Variants in SPECC1 observed in about 807,000 individuals in gnomAD.
SPECC1 encodes the protein cytospin-B.
A neutral mutation model predicts 104.1 loss-of-function variants in SPECC1; 62 were observed. The ratio of observed to expected loss-of-function variants is 0.60; its 90% CI spans 0.49 to 0.74. The LOEUF is 0.74. Among genes scored for constraint, SPECC1 ranks in the 30% least tolerant of loss-of-function variants. The pLI, the probability that SPECC1 is intolerant of heterozygous loss-of-function variation, is 0.00. For missense variants in SPECC1, 1,306 were observed against 1,310.5 expected (o/e 1.00, Z 0.05); for synonymous variants, 513 against 501.6 (o/e 1.02, Z -0.30).
At chr17:20,221,703 G>A (rs891710799) in intron 4 of SPECC1, among the ~76,000 whole-genome samples, 3 of 151,482 alleles carry the variant, frequency 2.0e-5, no homozygotes, top group African/African-American at 7.3e-5. Flanking sequence ...ATTTGCTCTT[G>A]CTTTTCTGGT....
At chr17:20,026,288 G>A (rs571549135) in intron 1 of SPECC1, among the ~76,000 whole-genome samples, 1 of 152,032 alleles carries the variant, frequency 6.6e-6, no homozygotes, top group African/African-American at 2.4e-5. Flanking sequence ...AGGGTAATTA[G>A]GATATCCATC....
At chr17:20,288,041 C>T (rs920405589) in intron 12 of SPECC1, among the ~76,000 whole-genome samples, 3 of 149,510 alleles carry the variant, frequency 2.0e-5, no homozygotes, top group African/African-American at 7.4e-5. Flanking sequence ...TAAATGAGAA[C>T]ATACTTTGTT....
chr17:20,180,845 C>T (rs998583929), intron 3 of SPECC1, among the ~76,000 whole-genome samples: 11 of 152,074 alleles, frequency 7.2e-5, no homozygotes, highest in African/African-American at 2.4e-4. Flanking sequence ...ATATTTATTG[C>T]GAAAATGTAC....
rs1046068563 is a variant in SPECC1, at chr17:20,009,715, C to G, written c.-22+291C>G. The stretch of plus-strand genomic sequence containing the variant: ...AGGTGGCCGCCTCCTCCCCTCCGGG[C>G]CCGAGGGTTGTCGCAGGGACCCGGG... On this transcript the variant is annotated intron_variant, in intron 1 of 14. Transcript: ENST00000395527. This position sits in a 1 kb window ranked among gnomAD's most constrained non-coding sequence, Gnocchi z 5.2. 3.3e-4 allele frequency: 50 copies of G among 152,226 alleles called. No homozygotes were observed. The highest frequency in any genetic ancestry group is 5.7e-4 in the Non-Finnish European group (39 of 68,058). The allele number at this position is 152,226 out of a possible 1,614,324, so 9.4% of individuals were successfully genotyped here.
intron 3 of SPECC1, chr17:20,155,791 C>G (rs1406947681): frequency 4.5e-6 from 2 of 446,056 alleles, no homozygotes; most frequent in Non-Finnish European, 6.2e-6. Flanking sequence ...TCTCAGCATC[C>G]GCGGGCGGAG....
At chr17:20,156,167 C>T (rs1171360504) in intron 3 of SPECC1, 1 of 1,438,880 alleles carries the variant, frequency 6.9e-7, no homozygotes, top group East Asian at 3.0e-5. Context: ...CCGAGGCCGG[C>T]AAGCCGGCTG....
In SPECC1 at chr17:20,204,904, C is replaced by T. The variant is rs146169119; in HGVS notation, c.855C>T (p.Phe285=). Residue 285 remains phenylalanine, a synonymous_variant, in exon 4 of 15, where the codon TTC becomes TTT. Coordinates refer to ENST00000395527, the MANE Select transcript of SPECC1 (RefSeq NM_001243439.2). ...CATCCATAACTCAAGAGTCAAGCTT[C>T]GGAAGCCCAACTGGAAATCAGATGT... The part of the protein sequence containing the change: ...CPTSITQESS[F]GSPTGNQMSS... 260 of 1,614,034 alleles carry T rather than the reference C, an allele frequency of 1.6e-4. No individual in the cohort carries two copies. The highest frequency in any genetic ancestry group is 1.3e-3 in the Admixed American group (80 of 60,012).
chr17:20,165,375 G>A (rs1309986382), intron 3 of SPECC1, among the ~76,000 whole-genome samples: 2 of 152,194 alleles, frequency 1.3e-5, no homozygotes, highest in African/African-American at 4.8e-5. Context: ...TGTCCCTGCA[G>A]AGGGCATGAT....
At chr17:20,207,527 G>C (rs2036865830) in intron 4 of SPECC1, among the ~76,000 whole-genome samples, 1 of 151,990 alleles carries the variant, frequency 6.6e-6, no homozygotes, top group Non-Finnish European at 1.5e-5. Flanking sequence ...CTGTGTTTTT[G>C]GTAGTTTGGC....
At chr17:20,115,864 C>T (rs879482991) in intron 3 of SPECC1, among the ~76,000 whole-genome samples, 13 of 152,026 alleles carry the variant, frequency 8.6e-5, no homozygotes, top group Non-Finnish European at 1.9e-4. Flanking sequence ...CTAAAATTTT[C>T]GGTAGATACT....
At position 20,129,440 on chromosome 17, in the gene SPECC1, G is replaced by A. The variant is rs138433793; in HGVS notation, c.283+18878G>A. ...CCTGACCTCGTGATCTACGCACCTC[G>A]GCCTCCCAAAGTGCTGGGATTACAG... On this transcript the variant is annotated intron_variant, in intron 3 of 14. Transcript: ENST00000395527. 7.6e-4 allele frequency among the ~76,000 whole-genome samples: 115 copies of A among 152,050 alleles called. 2 individuals carry two copies. The East Asian group carries it at 0.02, about 26-fold the overall frequency.
chr17:20,030,211 G>A (rs1376713098), intron 1 of SPECC1, among the ~76,000 whole-genome samples: 2 of 149,674 alleles, frequency 1.3e-5, no homozygotes, highest in Non-Finnish European at 2.9e-5. Context: ...CTGTATTTAT[G>A]TGAGTTACTT....
At chr17:20,010,865 G>A (rs2043919416) in intron 1 of SPECC1, among the ~76,000 whole-genome samples, 1 of 152,190 alleles carries the variant, frequency 6.6e-6, no homozygotes, top group South Asian at 2.1e-4. Context: ...TAATTACTAA[G>A]AGTTTAAAAA....
intron 1 of SPECC1, among the ~76,000 whole-genome samples, chr17:20,043,810 A>G (rs1255960185): frequency 6.6e-6 from 1 of 152,194 alleles, no homozygotes; most frequent in South Asian, 2.1e-4. Flanking sequence ...GGGAAGATAA[A>G]GTATTGAATT....
chr17:20,124,576 A>T (rs956780511), intron 3 of SPECC1, among the ~76,000 whole-genome samples: 2 of 152,218 alleles, frequency 1.3e-5, no homozygotes, highest in South Asian at 4.1e-4. Context: ...TCATTTATCA[A>T]TGAGTATATT....
intron 4 of SPECC1, among the ~76,000 whole-genome samples, chr17:20,208,766 A>G (rs2036947181): frequency 6.6e-6 from 1 of 152,102 alleles, no homozygotes; most frequent in Non-Finnish European, 1.5e-5. Flanking sequence ...CATACCTTTT[A>G]TTATGTTATG....
rs540974695 is a variant in SPECC1 at position 20,169,244 on chromosome 17, C to G, written c.284-35089C>G. Among the ~76,000 whole-genome samples the G allele has an allele frequency of 2.0e-5, 3 of 152,280 alleles. No individual in the cohort carries two copies. The East Asian group carries it at 5.8e-4, about 29-fold the overall frequency. ...ACCTGAGGAAGAAATAAGAAGTGTG[C>G]AAGGCCTCTGTGGGAGCTATAAACT... On this transcript the variant is annotated intron_variant, in intron 3 of 14. Coordinates refer to ENST00000395527, the MANE Select transcript of SPECC1 (RefSeq NM_001243439.2).
At chr17:20,312,761 C>T (rs1211274197) in intron 14 of SPECC1, among the ~76,000 whole-genome samples, 1 of 152,196 alleles carries the variant, frequency 6.6e-6, no homozygotes, top group Non-Finnish European at 1.5e-5. Context: ...GGTGTACCTG[C>T]ACGGAATGTT....
At chr17:20,055,582 T>C (rs1388572875) in intron 1 of SPECC1, among the ~76,000 whole-genome samples, 2 of 152,228 alleles carry the variant, frequency 1.3e-5, no homozygotes, top group Non-Finnish European at 2.9e-5. Context: ...TCTGAAACTT[T>C]TAGTCTAGCA....
Sources: allele counts gnomAD v4.1 joint callset (sites outside exome capture counted in the v4.1 genomes callset), GRCh38; gene constraint gnomAD v4.1.1; non-coding constraint Gnocchi (gnomAD v3.1); transcripts MANE v1.5; gene names NCBI Gene and HGNC (gene_info 2026-07-23, HGNC 2026-07-21).